The following PHF21B variants were observed in gnomAD, a reference collection of about 807,000 sequenced individuals.
PHF21B encodes the protein PHD finger protein 4.
In PHF21B, 22 loss-of-function variants were observed where a neutral mutation model predicts 62.2. That is an observed-to-expected ratio of 0.35 (90% CI 0.25 to 0.51). PHF21B has a LOEUF of 0.51. Ranked by LOEUF, PHF21B falls within the 20% of genes least tolerant of loss-of-function variation. The pLI, the probability that PHF21B is intolerant of heterozygous loss-of-function variation, is 0.97. For synonymous variants in PHF21B, 341 were observed against 314.7 expected (o/e 1.08, Z -0.88); for missense variants, 701 against 707.9 (o/e 0.99, Z 0.11).
intron 2 of PHF21B, among the ~76,000 whole-genome samples, chr22:44,920,967 G>A (rs560418599): frequency 4.6e-5 from 7 of 152,288 alleles, no homozygotes; most frequent in Non-Finnish European, 7.3e-5. Flanking sequence ...ATGCTGCAGC[G>A]AACATCTTTG....
intron 3 of PHF21B, 91 bp from the exon 4 acceptor site, chr22:44,916,721 A>C (rs181881924): frequency 2.1e-4 from 237 of 1,144,648 alleles, no homozygotes; most frequent in Non-Finnish European, 2.7e-4. Context: ...TCCTATATTC[A>C]AGGGGAAGGG....
intron 9 of PHF21B, among the ~76,000 whole-genome samples, chr22:44,888,906 C>A (rs958771047): frequency 6.6e-6 from 1 of 152,222 alleles, no homozygotes. Flanking sequence ...GCCTCAAAGC[C>A]GAGGCCCTCT....
intron 2 of PHF21B, among the ~76,000 whole-genome samples, chr22:44,997,871 G>A (rs78332120): frequency 0.031 from 4,795 of 152,238 alleles, 241 homozygotes; most frequent in African/African-American, 0.11. Flanking sequence ...CTCTGCTGCC[G>A]CTTCGCATAA....
At chr22:44,904,014 C>G (rs1459538780) in intron 5 of PHF21B, among the ~76,000 whole-genome samples, 1 of 151,782 alleles carries the variant, frequency 6.6e-6, no homozygotes, top group East Asian at 1.9e-4. Flanking sequence ...TTTCCTACTT[C>G]TTGGGAAAAA....
At chr22:44,915,382 T>C (rs1601594530) in intron 4 of PHF21B, among the ~76,000 whole-genome samples, 1 of 152,252 alleles carries the variant, frequency 6.6e-6, no homozygotes, top group African/African-American at 2.4e-5. Context: ...AGTGTTTAAA[T>C]GACCAACATC....
chr22:44,957,658 C>A (rs2072328579), intron 2 of PHF21B, among the ~76,000 whole-genome samples: 1 of 152,170 alleles, frequency 6.6e-6, no homozygotes, highest in Admixed American at 6.5e-5. Flanking sequence ...AAAACCCTTT[C>A]CTGTGCAAAC....
rs141646395 is a variant in PHF21B at position 44,953,183 on chromosome 22, G to T, written c.121-32693C>A. ...ACTCTTCTCTCGGACACTGAGGCCC[G>T]CAGCTGGGGCAGAAATGGCTCTCAC... is the stretch of plus-strand genomic sequence containing the variant. On this transcript the variant is annotated intron_variant, in intron 2 of 12. Transcript: ENST00000313237. 1.3e-3 allele frequency among the ~76,000 whole-genome samples: 200 copies of T among 152,290 alleles called. 1 individual carries two copies. The highest frequency in any genetic ancestry group is 4.6e-3 in the African/African-American group (192 of 41,564).
chr22:44,947,486 T>C (rs1017587246), intron 2 of PHF21B, among the ~76,000 whole-genome samples: 10 of 152,302 alleles, frequency 6.6e-5, no homozygotes, highest in Admixed American at 1.3e-4. Context: ...GCAGCTCCCA[T>C]GAATGGCCTG....
At chr22:44,994,307 T>C (rs1398095357) in intron 2 of PHF21B, among the ~76,000 whole-genome samples, 3 of 152,220 alleles carry the variant, frequency 2.0e-5, no homozygotes, top group African/African-American at 7.2e-5. Flanking sequence ...CTAAATCCCA[T>C]GACTGGCGAG....
intron 2 of PHF21B, among the ~76,000 whole-genome samples, chr22:44,929,638 G>A (rs1004807192): frequency 6.6e-6 from 1 of 152,226 alleles, no homozygotes; most frequent in Non-Finnish European, 1.5e-5. Context: ...AAGAAAGAGG[G>A]CAAGAACTGC....
intron 3 of PHF21B, 40 bp downstream of exon 3, chr22:44,920,358 G>C: frequency 6.6e-7 from 1 of 1,519,752 alleles, no homozygotes; most frequent in Non-Finnish European, 9.0e-7. Context: ...TGCGGGGACA[G>C]ACAGACGGAC....
intron 5 of PHF21B, 82 bp downstream of exon 5, chr22:44,913,740 G>A: frequency 6.7e-7 from 1 of 1,489,684 alleles, no homozygotes. Flanking sequence ...CCACAGTGAG[G>A]CCATCCCCGC....
chr22:44,941,728 C>T (rs183603919), intron 2 of PHF21B, among the ~76,000 whole-genome samples: 29 of 152,246 alleles, frequency 1.9e-4, no homozygotes, highest in Non-Finnish European at 2.8e-4. Flanking sequence ...CAGGGGGATA[C>T]GGCGGCAGGG....
chr22:44,899,285 C>CT (rs71188499), intron 5 of PHF21B, among the ~76,000 whole-genome samples: 2,300 of 97,484 alleles, frequency 0.024, 93 homozygotes, highest in African/African-American at 0.06. Context: ...TGTTCTTATT[C>CT]TTTTTTTTTT....
intron 4 of PHF21B, 24 bp downstream of exon 4, chr22:44,916,256 C>T (rs568945202): frequency 6.2e-5 from 100 of 1,600,140 alleles, no homozygotes; most frequent in Non-Finnish European, 8.0e-5. Flanking sequence ...ACACCCTTTC[C>T]GGAGCCTGCT....
At chr22:44,987,331 C>CG (rs2072968515) in intron 2 of PHF21B, among the ~76,000 whole-genome samples, 1 of 151,994 alleles carries the variant, frequency 6.6e-6, no homozygotes, top group African/African-American at 2.4e-5. Flanking sequence ...GTGGGACCCC[C>CG]GGGGAGACCA....
intron 2 of PHF21B, among the ~76,000 whole-genome samples, chr22:44,974,195 C>A (rs770198404): frequency 1.9e-4 from 29 of 152,110 alleles, no homozygotes; most frequent in Non-Finnish European, 3.1e-4. Context: ...AGGTGGATCA[C>A]TTGAGGGCCA....
At chr22:44,979,231 T>C (rs1272321379) in intron 2 of PHF21B, among the ~76,000 whole-genome samples, 1 of 152,050 alleles carries the variant, frequency 6.6e-6, no homozygotes, top group Non-Finnish European at 1.5e-5. Flanking sequence ...AGGGAGGAGG[T>C]GCCATCTGGG....
Position 44,916,438 on chromosome 22 carries a change from G to A in PHF21B, c.406C>T (p.Pro136Ser). The change falls in exon 4 of 13, where the codon CCC (proline) becomes TCC (serine). Residue 136 changes from proline to serine, a missense_variant. By Grantham distance (74) the Pro-to-Ser change is moderately conservative (BLOSUM62 -1). Transcript: ENST00000313237. ...PGSQPQALAEPAALASPLSSA... is the reference protein window; with the variant it reads ...PGSQPQALAESAALASPLSSA... ...CTCAGCGGAGAGGCGAGGGCGGCGGGCTCGGCGAGGGCCTGGGGCTGGCTG... is the reference window on the plus strand; with the variant it reads ...CTCAGCGGAGAGGCGAGGGCGGCGGACTCGGCGAGGGCCTGGGGCTGGCTG... The A allele has an allele frequency of 6.3e-7, 1 of 1,598,408 alleles. No homozygotes were observed.
Sources: gnomAD v4.1 joint callset for allele counts (sites outside exome capture counted in the v4.1 genomes callset) on GRCh38, gnomAD v4.1.1 for gene constraint, MANE v1.5 for transcripts, NCBI Gene and HGNC (gene_info 2026-07-23, HGNC 2026-07-21) for gene names.